CDC42BPA: variants seen among roughly 807,000 people sequenced by gnomAD.
CDC42BPA encodes the protein CDC42 binding protein kinase alpha, also known as serine/threonine-protein kinase MRCK alpha.
In CDC42BPA, 80 loss-of-function variants were observed where a neutral mutation model predicts 223.5. The observed-to-expected ratio is 0.36, with a 90% CI of 0.30 to 0.43. The LOEUF is 0.43. Ranked by LOEUF, CDC42BPA falls within the 20% of genes least tolerant of loss-of-function variation. The pLI, the probability that CDC42BPA is intolerant of heterozygous loss-of-function variation, is 1.00. For synonymous variants in CDC42BPA, 694 were observed against 718.6 expected, an observed-to-expected ratio of 0.97 and a Z score of 0.55; for missense variants, 1,743 against 2,099.9, an observed-to-expected ratio of 0.83 and a Z score of 3.32.
At chr1:227,044,873 C>T (rs1197257068) in intron 23 of CDC42BPA, among the ~76,000 whole-genome samples, 1 of 151,946 alleles carries the variant, frequency 6.6e-6, no homozygotes, top group African/African-American at 2.4e-5. Context: ...TTAATAGTTC[C>T]CCTCCCACCC....
chr1:227,185,197 A>G (rs1025722359), intron 5 of CDC42BPA, among the ~76,000 whole-genome samples: 3 of 152,018 alleles, frequency 2.0e-5, no homozygotes, highest in Non-Finnish European at 4.4e-5. Context: ...TGTACCCTCA[A>G]TTGAGGTAGG....
intron 11 of CDC42BPA, among the ~76,000 whole-genome samples, chr1:227,125,941 C>T (rs1182023601): frequency 6.6e-6 from 1 of 151,696 alleles, no homozygotes; most frequent in Non-Finnish European, 1.5e-5. Context: ...TTTATGTTGC[C>T]TCAGCATCCA....
chr1:227,114,904 T>TAACTTA (rs142952280), intron 12 of CDC42BPA, among the ~76,000 whole-genome samples: 19,486 of 144,090 alleles, frequency 0.14, 1,300 homozygotes, highest in East Asian at 0.26. Flanking sequence ...TTAGGATATT[T>TAACTTA]AACTTAAACT....
At chr1:227,047,817 TTC>T (rs1226060115) in intron 23 of CDC42BPA, 108 bp downstream of exon 23, 8 of 617,062 alleles carry the variant, frequency 1.3e-5, no homozygotes, top group Admixed American at 2.8e-5. Context: ...TTATAAGTTT[TTC>T]TGTTTGTAAA....
At position 227,058,044 on chromosome 1, in the gene CDC42BPA, A is replaced by G. The variant is rs1423849232; in HGVS notation, c.2905-6059T>C. The stretch of plus-strand genomic sequence containing the variant: ...ACACAACATATTGGTTTTCCCTTCT[A>G]GAGGTTATGTAATGTAATCAACATA... On this transcript the variant is annotated intron_variant, in intron 21 of 36. Coordinates refer to ENST00000366766, the MANE Select transcript of CDC42BPA (RefSeq NM_001394014.1). 3.3e-5 allele frequency among the ~76,000 whole-genome samples: 5 copies of G among 152,214 alleles called. No individual in the cohort carries two copies. The East Asian group carries it at 9.6e-4, about 29-fold the overall frequency.
intron 23 of CDC42BPA, among the ~76,000 whole-genome samples, chr1:227,046,413 A>G (rs1296262463): frequency 1.3e-5 from 2 of 152,112 alleles, no homozygotes; most frequent in Non-Finnish European, 2.9e-5. Flanking sequence ...TAAGCAGAGG[A>G]AAGGATTTGA....
chr1:227,293,699 G>A (rs1471115388), intron 1 of CDC42BPA, among the ~76,000 whole-genome samples: 1 of 151,910 alleles, frequency 6.6e-6, no homozygotes, highest in Non-Finnish European at 1.5e-5. Context: ...GTGGCTACTC[G>A]GGAGGTTGGC....
chr1:227,283,219 T>C (rs752620502), intron 1 of CDC42BPA, among the ~76,000 whole-genome samples: 1 of 152,156 alleles, frequency 6.6e-6, no homozygotes, highest in Non-Finnish European at 1.5e-5. Context: ...ATAGTCTCAT[T>C]TGTACTTTTT....
rs546874190 is a variant in CDC42BPA, at chr1:227,189,377, A to G, written c.599+4409T>C. On this transcript the variant is annotated intron_variant, in intron 5 of 36. Coordinates refer to ENST00000366766, the MANE Select transcript of CDC42BPA (RefSeq NM_001394014.1). Reference sequence around the variant, plus strand: ...AAATGTATTTAGAATTATAGAACCAAAGGATGAAACTATCTTATTTATAAT... The same window carrying G: ...AAATGTATTTAGAATTATAGAACCAGAGGATGAAACTATCTTATTTATAAT... Among the ~76,000 whole-genome samples the G allele has an allele frequency of 5.3e-5, 8 of 152,324 alleles. No individual in the cohort carries two copies. The South Asian group carries it at 1.7e-3, about 32-fold the overall frequency.
chr1:227,223,849 G>A (rs1165782148), intron 2 of CDC42BPA, among the ~76,000 whole-genome samples: 1 of 152,124 alleles, frequency 6.6e-6, no homozygotes, highest in Non-Finnish European at 1.5e-5. Context: ...GCGAGCCACA[G>A]CTCTCACGCA....
At chr1:227,195,851 A>C (rs912899586) in intron 4 of CDC42BPA, among the ~76,000 whole-genome samples, 1 of 152,214 alleles carries the variant, frequency 6.6e-6, no homozygotes, top group African/African-American at 2.4e-5. Flanking sequence ...GGTAATATTC[A>C]TAATAGGTCA....
intron 11 of CDC42BPA, among the ~76,000 whole-genome samples, chr1:227,124,967 T>A (rs147181180): frequency 5.7e-4 from 86 of 152,198 alleles, no homozygotes; most frequent in African/African-American, 2.0e-3. Flanking sequence ...AAAAACTTCC[T>A]CAGGACACTG....
chr1:227,080,005 AT>A (rs34723231), intron 17 of CDC42BPA, among the ~76,000 whole-genome samples: 19,571 of 151,924 alleles, frequency 0.13, 1,332 homozygotes, highest in East Asian at 0.26. Context: ...TTTTATAATA[AT>A]TTCTTGTGTA....
At chr1:227,201,773 GTTTT>G (rs11304692) in intron 3 of CDC42BPA, among the ~76,000 whole-genome samples, 2 of 146,532 alleles carry the variant, frequency 1.4e-5, no homozygotes, top group African/African-American at 5.0e-5. Flanking sequence ...TGCTCTGTAA[GTTTT>G]TTTTTTTTTT....
intron 5 of CDC42BPA, among the ~76,000 whole-genome samples, chr1:227,168,852 G>A (rs1039051180): frequency 2.0e-5 from 3 of 152,008 alleles, no homozygotes; most frequent in Non-Finnish European, 4.4e-5. Flanking sequence ...CATCAAATTT[G>A]AGGCCATTAT....
At chr1:227,025,104 A>C (rs1668020925) in intron 31 of CDC42BPA, among the ~76,000 whole-genome samples, 1 of 152,264 alleles carries the variant, frequency 6.6e-6, no homozygotes, top group African/African-American at 2.4e-5. Context: ...TTAGCAGGGC[A>C]TGGTGGTGTA....
intron 35 of CDC42BPA, among the ~76,000 whole-genome samples, chr1:227,002,412 A>C (rs779940607): frequency 5.9e-5 from 9 of 152,244 alleles, no homozygotes; most frequent in Non-Finnish European, 1.2e-4. Context: ...TTAGGAGATA[A>C]TGGCAAGAAA....
chr1:227,146,955 G>T (rs1660814610), intron 7 of CDC42BPA, among the ~76,000 whole-genome samples: 1 of 151,652 alleles, frequency 6.6e-6, no homozygotes, highest in East Asian at 1.9e-4. Flanking sequence ...TTTTTCTTTT[G>T]ATCTTTGCTA....
chr1:227,200,553 GTTC>G (rs1671586366), intron 3 of CDC42BPA, among the ~76,000 whole-genome samples: 1 of 148,316 alleles, frequency 6.7e-6, no homozygotes, highest in Non-Finnish European at 1.5e-5. Flanking sequence ...AAGAATGACT[GTTC>G]TTCTTTTAAC....
Sources: allele counts gnomAD v4.1 joint callset (sites outside exome capture counted in the v4.1 genomes callset), GRCh38; gene constraint gnomAD v4.1.1; transcripts MANE v1.5; gene names NCBI Gene and HGNC (gene_info 2026-07-23, HGNC 2026-07-21).